LRRIQ1: variants seen among roughly 807,000 people sequenced by gnomAD.
LRRIQ1 encodes the protein leucine-rich repeat- and IQ domain-containing protein 1.
LRRIQ1 carries 210 observed loss-of-function variants against 211.9 expected under a neutral mutation model. The observed-to-expected ratio is 0.99, with a 90% CI of 0.89 to 1.11. The LOEUF (loss-of-function observed/expected upper bound fraction) is 1.11, where lower values mean the gene tolerates loss of function less well. Ranked by LOEUF, LRRIQ1 falls within the 50% of genes most tolerant of loss-of-function variation. The probability of loss-of-function intolerance (pLI) is 0.00; values close to 1 mark genes in which losing one functional copy is unlikely to be tolerated. For missense variants in LRRIQ1, 2,136 were observed against 1,939.5 expected (o/e 1.10, Z -1.90); for synonymous variants, 699 against 650.1 (o/e 1.08, Z -1.14).
At chr12:85,058,084 C>T (rs1278795561) in intron 8 of LRRIQ1, among the ~76,000 whole-genome samples, 2 of 151,898 alleles carry the variant, frequency 1.3e-5, no homozygotes, top group African/African-American at 4.8e-5. Flanking sequence ...CAGTCTTTTA[C>T]GGAGCTTAAA....
intron 26 of LRRIQ1, among the ~76,000 whole-genome samples, chr12:85,238,428 A>G (rs1895295395): frequency 6.6e-6 from 1 of 152,086 alleles, no homozygotes; most frequent in African/African-American, 2.4e-5. Context: ...ACACCTATGC[A>G]CCTCATAATC....
chr12:85,270,379 G>C, the LRRIQ1 span, among the ~76,000 whole-genome samples: 1 of 151,954 alleles, frequency 6.6e-6, no homozygotes, highest in Non-Finnish European at 1.5e-5. Context: ...TTATGTTAGA[G>C]GCAATACCTA....
At position 85,185,341 on chromosome 12, in the gene LRRIQ1, G is replaced by T. The variant is rs1020174587; in HGVS notation, c.4822+24627G>T. On this transcript the variant is annotated intron_variant, in intron 24 of 26. Transcript: ENST00000393217. ...GTATGTGTCTAATTTAAATATTAAA[G>T]GTAAGGATTTTCAAAAGTGAAATAT... is the stretch of plus-strand genomic sequence containing the variant. Among the ~76,000 whole-genome samples, 5 of 151,272 alleles carry T rather than the reference G, an allele frequency of 3.3e-5. No homozygotes were observed. The East Asian group carries it at 7.7e-4, about 23-fold the overall frequency.
chr12:85,144,912 TAATTG>T (rs756390808), intron 19 of LRRIQ1, among the ~76,000 whole-genome samples: 13 of 151,704 alleles, frequency 8.6e-5, no homozygotes, highest in Non-Finnish European at 1.9e-4. Context: ...TCAGATGATG[TAATTG>T]AATTGTTTTG....
chr12:85,111,590 C>A (rs1016082121), intron 15 of LRRIQ1, among the ~76,000 whole-genome samples: 10 of 152,038 alleles, frequency 6.6e-5, no homozygotes, highest in African/African-American at 2.4e-4. Flanking sequence ...TCTCACCTGC[C>A]ACACTAAGAA....
chr12:85,112,142 A>G (rs550169762), intron 15 of LRRIQ1, among the ~76,000 whole-genome samples: 4 of 152,162 alleles, frequency 2.6e-5, no homozygotes, highest in Admixed American at 6.6e-5. Flanking sequence ...AGATGGAAAG[A>G]TTAAATAAAT....
chr12:85,161,528 A>G (rs1024050956), intron 24 of LRRIQ1, among the ~76,000 whole-genome samples: 2 of 152,144 alleles, frequency 1.3e-5, no homozygotes, highest in African/African-American at 4.8e-5. Context: ...GGACCTATGA[A>G]CATTTTCAAT....
In LRRIQ1 at chr12:85,098,973, ATATTAC is replaced by A; in HGVS notation, c.3192_3197del (p.Thr1065_Ile1066del). The A allele has an allele frequency of 6.4e-7, 1 of 1,565,778 alleles. No individual in the cohort carries two copies. Among genetic ancestry groups the A allele is most frequent in the Non-Finnish European group, 8.7e-7 (1 of 1,151,702 alleles). On this transcript the variant is annotated inframe_deletion, in exon 13 of 27. Transcript: ENST00000393217. ...TCATACTGGCTGCCTTTACTACAAA[ATATTAC>A]TATCTCTCAAAACAGGTAAAAGCAT... is the stretch of plus-strand genomic sequence containing the variant.
chr12:85,165,341 G>A (rs1346886691), intron 24 of LRRIQ1, among the ~76,000 whole-genome samples: 2 of 151,826 alleles, frequency 1.3e-5, no homozygotes, highest in Non-Finnish European at 2.9e-5. Flanking sequence ...CTGTCTTTGC[G>A]TCCATGTGTA....
chr12:85,119,498 A>C (rs915810625), intron 15 of LRRIQ1, among the ~76,000 whole-genome samples: 11 of 152,166 alleles, frequency 7.2e-5, no homozygotes, highest in Non-Finnish European at 1.5e-4. Flanking sequence ...TGTGAATATA[A>C]ATTTTCAATT....
chr12:85,152,350 ACCAG>A lies in LRRIQ1; in HGVS notation c.4402_4405del (p.Gln1468CysfsTer10). 6.2e-7 allele frequency: 1 copy of A among 1,611,064 alleles called. No homozygotes were observed. The highest frequency in any genetic ancestry group is 8.5e-7 in the Non-Finnish European group (1 of 1,178,174). On this transcript the variant is annotated frameshift_variant, in exon 20 of 27. Coordinates refer to ENST00000393217, the MANE Select transcript of LRRIQ1 (RefSeq NM_001079910.2). LOFTEE classifies it high-confidence loss of function. ...CCTTCACAAACACTGCTTCTTTCAA[ACCAG>A]CTGCATTGGCCAAAGGTAACATGTC...
In LRRIQ1 at chr12:85,056,260, A is replaced by G. The variant is rs373584316; in HGVS notation, c.1467A>G (p.Lys489=). The change falls in exon 8 of 27, where the codon AAA becomes AAG. Residue 489 remains lysine (K), a synonymous_variant. Coordinates refer to ENST00000393217, the MANE Select transcript of LRRIQ1 (RefSeq NM_001079910.2). ...KMEEKNENLA[K]KRCSEELVKQ... The stretch of plus-strand genomic sequence containing the variant: ...AAGAAAAAAATGAAAACCTAGCAAA[A>G]AAACGATGTTCAGAAGAATTGGTCA... 1.3e-6 allele frequency: 2 copies of G among 1,573,842 alleles called. No homozygotes were observed. The highest frequency in any genetic ancestry group is 1.4e-5 in the African/African-American group (1 of 72,278).
At position 85,127,812 on chromosome 12, in the gene LRRIQ1, T is replaced by C; in HGVS notation, c.4008-20T>C. On this transcript the variant is annotated intron_variant, in intron 17 of 26. Coordinates refer to ENST00000393217, the MANE Select transcript of LRRIQ1 (RefSeq NM_001079910.2). ...ACAGATAATAAAAAAAGTGTGTGTT[T>C]TTTTTTCTCCTCTTAATAGTATGGC... 1 of 1,601,376 alleles carries C rather than the reference T, an allele frequency of 6.2e-7. No individual in the cohort carries two copies. Among genetic ancestry groups the C allele is most frequent in the Non-Finnish European group, 8.5e-7 (1 of 1,175,152 alleles).
chr12:85,229,733 A>T, intron 25 of LRRIQ1, 84 bp downstream of exon 25: 1 of 1,411,460 alleles, frequency 7.1e-7, no homozygotes, highest in African/African-American at 1.4e-5. Context: ...GCTAAAACAA[A>T]CATGACTTTA....
chr12:85,232,635 C>G, intron 25 of LRRIQ1, 61 bp from the exon 26 acceptor site: 3 of 1,368,816 alleles, frequency 2.2e-6, no homozygotes. Context: ...TTGGACGTTT[C>G]TTTTATATGC....
At chr12:85,192,055 T>C (rs1393987005) in intron 24 of LRRIQ1, among the ~76,000 whole-genome samples, 1 of 151,782 alleles carries the variant, frequency 6.6e-6, no homozygotes, top group Non-Finnish European at 1.5e-5. Flanking sequence ...GTAAATTGCG[T>C]GTCACGGGGG....
At chr12:85,189,280 C>G (rs1185507546) in intron 24 of LRRIQ1, among the ~76,000 whole-genome samples, 2 of 152,022 alleles carry the variant, frequency 1.3e-5, no homozygotes, top group Non-Finnish European at 2.9e-5. Context: ...CATATCAGCC[C>G]TCTCTGGGCA....
chr12:85,163,901 G>A (rs1891023391), intron 24 of LRRIQ1, among the ~76,000 whole-genome samples: 2 of 151,956 alleles, frequency 1.3e-5, no homozygotes, highest in South Asian at 2.1e-4. Context: ...ACTTAATCAA[G>A]TCTGAGGAGC....
chr12:85,087,527 C>T (rs1215948844), intron 11 of LRRIQ1, among the ~76,000 whole-genome samples: 1 of 152,178 alleles, frequency 6.6e-6, no homozygotes, highest in Admixed American at 6.5e-5. Context: ...ACACTGTCTT[C>T]CACAATGGTT....
Sources: allele counts gnomAD v4.1 joint callset (sites outside exome capture counted in the v4.1 genomes callset), GRCh38; gene constraint gnomAD v4.1.1; transcripts MANE v1.5; gene names NCBI Gene and HGNC (gene_info 2026-07-23, HGNC 2026-07-21).